The following ZNF14 variants were observed in gnomAD, a reference collection of about 807,000 sequenced individuals.
ZNF14 encodes zinc finger protein 14.
ZNF14 carries 9 observed loss-of-function variants against 11.3 expected under a neutral mutation model. The observed-to-expected ratio is 0.80, with a 90% CI of 0.48 to 1.39. The LOEUF (loss-of-function observed/expected upper bound fraction) is 1.39. ZNF14 is among the 40% of genes most tolerant of loss of function. The pLI is 0.00. For missense variants in ZNF14, 711 were observed against 763.9 expected, an observed-to-expected ratio of 0.93 and a Z score of 0.82; for synonymous variants, 239 against 245.7, an observed-to-expected ratio of 0.97 and a Z score of 0.25.
Position 19,711,396 on chromosome 19 carries a change from G to C in ZNF14, c.1885C>G (p.His629Asp). The C allele has an allele frequency of 6.3e-7, 1 of 1,590,210 alleles. No homozygotes were observed. The highest frequency in any genetic ancestry group is 8.5e-7 in the Non-Finnish European group (1 of 1,170,116). Reference protein sequence around the residue: ...QCGKAFISSSHFRLHERTHMG... With the variant: ...QCGKAFISSSDFRLHERTHMG... ...TGAGTCCTTTCATGCAGTCGAAAGT[G>C]ACTGGAAGAAATGAAGGCTTTTCCA... The change falls in exon 4 of 4, where the codon CAC becomes GAC. Residue 629 changes from histidine to aspartate, a missense_variant. Coordinates refer to ENST00000344099, the MANE Select transcript of ZNF14 (RefSeq NM_021030.3).
intron 1 of ZNF14, among the ~76,000 whole-genome samples, chr19:19,730,803 T>C (rs1346833739): frequency 1.3e-5 from 2 of 152,012 alleles, no homozygotes; most frequent in African/African-American, 2.4e-5. Flanking sequence ...TCCCAGCTAC[T>C]AGGGAGGCTG....
At chr19:19,731,756 C>T (rs1175059515) in intron 1 of ZNF14, among the ~76,000 whole-genome samples, 1 of 152,022 alleles carries the variant, frequency 6.6e-6, no homozygotes, top group Non-Finnish European at 1.5e-5. Flanking sequence ...ATAAACATCA[C>T]TCTCACAAAC....
intron 1 of ZNF14, among the ~76,000 whole-genome samples, chr19:19,722,639 A>G (rs915321719): frequency 6.6e-6 from 1 of 152,202 alleles, no homozygotes; most frequent in African/African-American, 2.4e-5. Context: ...TGGGGATGGC[A>G]TTGAATCTAT....
intron 1 of ZNF14, among the ~76,000 whole-genome samples, chr19:19,725,626 C>A (rs945015203): frequency 1.5e-5 from 2 of 134,000 alleles, no homozygotes; most frequent in Non-Finnish European, 3.3e-5. Context: ...GTTGGCCTGC[C>A]TTGCTAGGTT....
intron 1 of ZNF14, among the ~76,000 whole-genome samples, chr19:19,722,289 A>G (rs965578335): frequency 6.6e-6 from 1 of 152,190 alleles, no homozygotes; most frequent in Non-Finnish European, 1.5e-5. Flanking sequence ...CTTATTCTAC[A>G]TATGGCTAGC....
intron 1 of ZNF14, 72 bp downstream of exon 1, chr19:19,732,884 G>A: frequency 6.3e-7 from 1 of 1,593,826 alleles, no homozygotes; most frequent in Non-Finnish European, 8.6e-7. Flanking sequence ...TGACTGCAAG[G>A]AGGTCCCCGG....
At chr19:19,715,604 G>A (rs1407897495) in intron 1 of ZNF14, among the ~76,000 whole-genome samples, 1 of 152,166 alleles carries the variant, frequency 6.6e-6, no homozygotes, top group African/African-American at 2.4e-5. Flanking sequence ...ACTTTTCAAG[G>A]AACGACAACA....
intron 1 of ZNF14, among the ~76,000 whole-genome samples, chr19:19,730,853 G>A (rs1188512718): frequency 6.6e-6 from 1 of 152,026 alleles, no homozygotes; most frequent in African/African-American, 2.4e-5. Flanking sequence ...CGGAGGTTGC[G>A]GTGAGCCGAG....
In ZNF14 at chr19:19,714,115, T is replaced by C. The variant is rs768312053; in HGVS notation, c.167A>G (p.His56Arg). The C allele has an allele frequency of 1.2e-6, 2 of 1,613,508 alleles. No individual in the cohort carries two copies. The highest frequency in any genetic ancestry group is 2.2e-5 in the South Asian group (2 of 90,862). Residue 56 changes from histidine to arginine, a missense_variant, in exon 3 of 4, where the codon CAC (histidine) becomes CGC (arginine). By Grantham distance (29) the His-to-Arg change is conservative. Coordinates refer to ENST00000344099, the MANE Select transcript of ZNF14 (RefSeq NM_021030.3). ...CCTTCGATTTTTCCCCTGGTTTCTG[T>C]GGTCATCTTCAATGTCCTGGTCTTC... The part of the protein sequence containing the change: ...KWEDQDIEDD[H>R]RNQGKNRRCH...
chr19:19,715,389 T>C (rs2062375069), intron 1 of ZNF14, among the ~76,000 whole-genome samples: 2 of 151,964 alleles, frequency 1.3e-5, no homozygotes, highest in South Asian at 2.1e-4. Context: ...ATCAGAGAGA[T>C]TGAGGGGTTG....
chr19:19,715,289 G>C (rs911588739), intron 1 of ZNF14, among the ~76,000 whole-genome samples: 6 of 152,198 alleles, frequency 3.9e-5, no homozygotes, highest in Non-Finnish European at 8.8e-5. Flanking sequence ...CGAGAGGCCA[G>C]GAGGCCTGTG....
rs529798434 is a variant in ZNF14, at chr19:19,722,567, G to T, written c.4-8080C>A. On this transcript the variant is annotated intron_variant, in intron 1 of 3. Transcript: ENST00000344099. ...TCTTTGCTATATGGGCTCTTTTTTG[G>T]TTCCATATGAACTTTAAAGTAGTTT... Among the ~76,000 whole-genome samples the T allele has an allele frequency of 3.9e-5, 6 of 152,230 alleles. No homozygotes were observed. In the East Asian group the frequency reaches 1.2e-3, roughly 29 times the overall value.
chr19:19,724,127 T>C (rs2062400686), intron 1 of ZNF14, among the ~76,000 whole-genome samples: 1 of 132,856 alleles, frequency 7.5e-6, no homozygotes, highest in Non-Finnish European at 1.7e-5. Context: ...CTGCTAGCTT[T>C]TGAATGTGTT....
At chr19:19,731,535 C>T (rs1265486963) in intron 1 of ZNF14, among the ~76,000 whole-genome samples, 2 of 151,810 alleles carry the variant, frequency 1.3e-5, no homozygotes. Flanking sequence ...GTGATCATGC[C>T]GTTGCACTCC....
Position 19,712,252 on chromosome 19 carries a change from G to A in ZNF14, c.1029C>T (p.Ala343=). 1 of 1,613,870 alleles carries A rather than the reference G, an allele frequency of 6.2e-7. No homozygotes were observed. Among genetic ancestry groups the A allele is most frequent in the Non-Finnish European group, 8.5e-7 (1 of 1,179,954 alleles). The change falls in exon 4 of 4, where the codon GCC becomes GCT. Residue 343 remains alanine (A), a synonymous_variant. Transcript: ENST00000344099. ...RPYKCKECGK[A]FNSSNSCRVH... is the part of the protein sequence containing the mutation. ...CTCGACAGGAATTAGAAGAGTTGAAGGCTTTCCCACATTCTTTACATTTAT... is the reference window on the plus strand; with the variant it reads ...CTCGACAGGAATTAGAAGAGTTGAAAGCTTTCCCACATTCTTTACATTTAT...
In ZNF14 at chr19:19,728,536, A is replaced by AC. The variant is rs1599472608; in HGVS notation, c.3+4419dup. On this transcript the variant is annotated intron_variant, in intron 1 of 3. Coordinates refer to ENST00000344099, the MANE Select transcript of ZNF14 (RefSeq NM_021030.3). ...GTCTCAAAAAAAAAAAAAAAAAAAAACATATACTGGAAGAACTAACATGAC... is the reference window on the plus strand; with the variant it reads ...GTCTCAAAAAAAAAAAAAAAAAAAAACCATATACTGGAAGAACTAACATGAC... Among the ~76,000 whole-genome samples the AC allele has an allele frequency of 3.9e-5, 5 of 128,368 alleles. 2 individuals carry two copies. The highest frequency in any genetic ancestry group is 8.7e-5 in the African/African-American group (3 of 34,594). 84.2% of individuals were successfully genotyped at this position (128,368 alleles called of 152,430 possible).
intron 3 of ZNF14, 50 bp downstream of exon 3, chr19:19,714,041 T>G (rs11085270): frequency 0.21 from 314,232 of 1,515,440 alleles, 33,703 homozygotes; most frequent in Middle Eastern, 0.26. Context: ...TTGCTTGCTT[T>G]CTTTTGAAAT....
Position 19,733,077 on chromosome 19 carries a change from A to T in ZNF14, c.-119T>A. ...GGCCTTCAGGAGCAGGTGAAACGCAATCTTCCCATGGGCCAGGAATGGCGA... is the reference window on the plus strand; with the variant it reads ...GGCCTTCAGGAGCAGGTGAAACGCATTCTTCCCATGGGCCAGGAATGGCGA... On this transcript the variant is annotated 5_prime_UTR_variant, in exon 1 of 4. In the 5' UTR this introduces an upstream ATG that the reference lacks. Coordinates refer to ENST00000344099, the MANE Select transcript of ZNF14 (RefSeq NM_021030.3). 1.5e-6 allele frequency: 2 copies of T among 1,327,842 alleles called. No homozygotes were observed. Among genetic ancestry groups the T allele is most frequent in the East Asian group, 5.1e-5 (2 of 39,324 alleles). The allele number at this position is 1,327,842 out of a possible 1,614,324, so 82.3% of individuals were successfully genotyped here. A position where few individuals can be genotyped will look rare whatever the true frequency, so the allele number is the denominator to read the frequency against.
chr19:19,722,229 T>TA (rs1343287553), intron 1 of ZNF14, among the ~76,000 whole-genome samples: 4 of 152,330 alleles, frequency 2.6e-5, no homozygotes, highest in South Asian at 2.1e-4. Context: ...CATGGAGACT[T>TA]AGTTTCTCCA....
Sources: gnomAD v4.1 joint callset for allele counts (sites outside exome capture counted in the v4.1 genomes callset) on GRCh38, gnomAD v4.1.1 for gene constraint, MANE v1.5 for transcripts, NCBI Gene and HGNC (gene_info 2026-07-23, HGNC 2026-07-21) for gene names.